The following DACH1 variants were observed in gnomAD, a reference collection of about 807,000 sequenced individuals.
DACH1 encodes the protein dachshund homolog 1.
In DACH1, 12 loss-of-function variants were observed where a neutral mutation model predicts 54.2. The ratio of observed to expected loss-of-function variants is 0.22; its 90% confidence interval spans 0.14 to 0.36. The LOEUF (loss-of-function observed/expected upper bound fraction) is 0.36. Ranked by LOEUF, DACH1 falls within the 10% of genes least tolerant of loss-of-function variation. The pLI, the probability that DACH1 is intolerant of heterozygous loss-of-function variation, is 1.00. For missense variants in DACH1, 805 were observed against 929.8 expected (o/e 0.87, Z 1.75); for synonymous variants, 386 against 366.2 (o/e 1.05, Z -0.62).
chr13:71,784,341 T>C (rs1324954738), intron 1 of DACH1, among the ~76,000 whole-genome samples: 3 of 152,102 alleles, frequency 2.0e-5, no homozygotes, highest in South Asian at 2.1e-4. Context: ...TAATTAAATG[T>C]AGTGGTAGAA....
chr13:71,706,870 C>T (rs1011035733), intron 1 of DACH1, among the ~76,000 whole-genome samples: 13 of 152,094 alleles, frequency 8.5e-5, no homozygotes, highest in Admixed American at 2.6e-4. Context: ...GAATCTGCCT[C>T]GGTACAGTAA....
At chr13:71,444,231 G>A (rs976021628) in intron 10 of DACH1, among the ~76,000 whole-genome samples, 1 of 152,008 alleles carries the variant, frequency 6.6e-6, no homozygotes, top group Non-Finnish European at 1.5e-5. Flanking sequence ...ACATTGATTT[G>A]TTTAAAAATC....
chr13:71,697,702 C>A (rs1221617481), intron 1 of DACH1, among the ~76,000 whole-genome samples: 3 of 152,160 alleles, frequency 2.0e-5, no homozygotes, highest in Admixed American at 2.0e-4. Context: ...TCTAGATTAT[C>A]AAAAATAAAC....
chr13:71,595,520 T>C (rs1874033504), intron 3 of DACH1, among the ~76,000 whole-genome samples: 1 of 152,138 alleles, frequency 6.6e-6, no homozygotes, highest in Non-Finnish European at 1.5e-5. Flanking sequence ...TAGGTGGATC[T>C]GTGGATATGT....
At chr13:71,772,206 T>C (rs1384021918) in intron 1 of DACH1, among the ~76,000 whole-genome samples, 3 of 151,598 alleles carry the variant, frequency 2.0e-5, no homozygotes, top group African/African-American at 4.8e-5. Flanking sequence ...ACCTTCTAGT[T>C]TGAGTAATTA....
At chr13:71,527,572 A>T (rs564814386) in intron 6 of DACH1, among the ~76,000 whole-genome samples, 1 of 152,182 alleles carries the variant, frequency 6.6e-6, no homozygotes, top group East Asian at 1.9e-4. Context: ...TTTCTTCCGT[A>T]TCGGTCCTTC....
chr13:71,648,326 A>C (rs1878439227), intron 2 of DACH1, among the ~76,000 whole-genome samples: 1 of 152,220 alleles, frequency 6.6e-6, no homozygotes, highest in South Asian at 2.1e-4. Context: ...CATTAACCTC[A>C]TGTTCTTCAT....
At chr13:71,516,955 C>T (rs1254737945) in intron 6 of DACH1, among the ~76,000 whole-genome samples, 2 of 150,810 alleles carry the variant, frequency 1.3e-5, no homozygotes, top group Admixed American at 1.3e-4. Flanking sequence ...TGATTTGAGA[C>T]TTAAGAGCCA....
At chr13:71,563,238 T>A (rs555221997) in intron 4 of DACH1, among the ~76,000 whole-genome samples, 1 of 152,176 alleles carries the variant, frequency 6.6e-6, no homozygotes, top group South Asian at 2.1e-4. Context: ...CTCACATCAA[T>A]GCTTATCTAT....
chr13:71,636,836 T>G (rs540645374), intron 2 of DACH1, among the ~76,000 whole-genome samples: 1 of 152,248 alleles, frequency 6.6e-6, no homozygotes, highest in Admixed American at 6.5e-5. Flanking sequence ...GAGCAAATTT[T>G]TACACAGAAC....
chr13:71,699,632 G>A (rs953855592), intron 1 of DACH1, among the ~76,000 whole-genome samples: 1 of 152,100 alleles, frequency 6.6e-6, no homozygotes, highest in Non-Finnish European at 1.5e-5. Flanking sequence ...ATGTGAACAC[G>A]ATGAAAAAAG....
intron 5 of DACH1, 89 bp from the exon 6 acceptor site, chr13:71,557,247 A>G: frequency 9.0e-7 from 1 of 1,112,170 alleles, no homozygotes; most frequent in Non-Finnish European, 1.2e-6. Context: ...ACTCTCTTGG[A>G]CTCAACAGTA....
chr13:71,548,343 T>C (rs1185622247), intron 6 of DACH1, among the ~76,000 whole-genome samples: 1 of 152,094 alleles, frequency 6.6e-6, no homozygotes, highest in Non-Finnish European at 1.5e-5. Context: ...CTTTATTCCA[T>C]AAAAACATCA....
intron 3 of DACH1, among the ~76,000 whole-genome samples, chr13:71,602,567 C>T (rs1874573665): frequency 6.6e-6 from 1 of 151,880 alleles, no homozygotes; most frequent in Non-Finnish European, 1.5e-5. Context: ...CTAATTATAC[C>T]ATGAACCCAG....
intron 6 of DACH1, among the ~76,000 whole-genome samples, chr13:71,556,632 G>GT (rs1403972708): frequency 6.6e-6 from 1 of 151,896 alleles, no homozygotes; most frequent in Non-Finnish European, 1.5e-5. Context: ...TCTGTAAACT[G>GT]TTTTTTTAAT....
chr13:71,518,214 C>A (rs1262431911), intron 6 of DACH1, among the ~76,000 whole-genome samples: 5 of 151,578 alleles, frequency 3.3e-5, no homozygotes, highest in Non-Finnish European at 7.4e-5. Context: ...AGGGTGAGAC[C>A]TTTAATCTAT....
rs141820210 is a variant in DACH1, at chr13:71,647,872, C to A, written c.965-17155G>T. On this transcript the variant is annotated intron_variant, in intron 2 of 10. Transcript: ENST00000613252. ...TTTCCAATATTCCAATATTTGTAAT[C>A]TTTCCCAAGCATGCTCAACAGTTAA... is the stretch of plus-strand genomic sequence containing the variant. Among the ~76,000 whole-genome samples the A allele has an allele frequency of 6.5e-3, 987 of 152,326 alleles. 12 individuals carry two copies. The highest frequency in any genetic ancestry group is 0.021 in the African/African-American group (891 of 41,580).
intron 1 of DACH1, among the ~76,000 whole-genome samples, chr13:71,739,891 A>ACTT (rs1464242463): frequency 6.6e-6 from 1 of 152,238 alleles, no homozygotes; most frequent in Admixed American, 6.5e-5. Context: ...AAACTAAAAC[A>ACTT]CTTTGAAGCT....
intron 1 of DACH1, among the ~76,000 whole-genome samples, chr13:71,837,170 T>A (rs758868109): frequency 6.6e-6 from 1 of 152,086 alleles, no homozygotes; most frequent in Non-Finnish European, 1.5e-5. Context: ...TAAGGTAATA[T>A]TAAGTAAATA....
Sources: allele counts gnomAD v4.1 joint callset (sites outside exome capture counted in the v4.1 genomes callset), GRCh38; gene constraint gnomAD v4.1.1; transcripts MANE v1.5; gene names NCBI Gene and HGNC (gene_info 2026-07-23, HGNC 2026-07-21).